PAPOLA: variants seen among roughly 807,000 people sequenced by gnomAD.
PAPOLA encodes poly(A) polymerase alpha.
PAPOLA carries 15 observed loss-of-function variants against 100.6 expected under a neutral mutation model. That is an observed-to-expected ratio of 0.15 (90% CI 0.10 to 0.23). The LOEUF (loss-of-function observed/expected upper bound fraction) is 0.23. PAPOLA is among the 10% of genes least tolerant of loss of function. The pLI, the probability that PAPOLA is intolerant of heterozygous loss-of-function variation, is 1.00. For missense variants in PAPOLA, 533 were observed against 884.2 expected, an observed-to-expected ratio of 0.60 and a Z score of 5.04; for synonymous variants, 293 against 300.0, an observed-to-expected ratio of 0.98 and a Z score of 0.24.
chr14:96,544,161 C>T lies in PAPOLA; in HGVS notation c.1302C>T (p.Arg434=), dbSNP rs1293719994. ...PKENPDKEEF[R]TMWVIGLVFK... ...CTCTTCTTTGCAGGGAAGAATTTCGCACGATGTGGGTGATTGGGTTAGTGT... is the reference window on the plus strand; with the variant it reads ...CTCTTCTTTGCAGGGAAGAATTTCGTACGATGTGGGTGATTGGGTTAGTGT... The change falls in exon 15 of 22, where the codon CGC becomes CGT. Residue 434 remains arginine, a synonymous_variant. Coordinates refer to ENST00000216277, the MANE Select transcript of PAPOLA (RefSeq NM_032632.5). The T allele has an allele frequency of 2.5e-6, 4 of 1,596,654 alleles. No homozygotes were observed. Among genetic ancestry groups the T allele is most frequent in the South Asian group, 2.2e-5 (2 of 90,456 alleles).
chr14:96,534,633 T>C, intron 10 of PAPOLA, 70 bp downstream of exon 10: 1 of 1,610,344 alleles, frequency 6.2e-7, no homozygotes, highest in Non-Finnish European at 8.5e-7. Flanking sequence ...CTGCATAAAC[T>C]CCAGGGAGAC....
Position 96,542,416 on chromosome 14 carries a change from C to T in PAPOLA, c.1169+120C>T, listed in dbSNP as rs569367986. On this transcript the variant is annotated intron_variant, in intron 13 of 21. Transcript: ENST00000216277. Reference sequence around the variant, plus strand: ...CTTCTAGTTTGGTTTGATTTGTTCACAAATGGAGCTTTACTGTGTGTAGTG... The same window carrying T: ...CTTCTAGTTTGGTTTGATTTGTTCATAAATGGAGCTTTACTGTGTGTAGTG... The T allele has an allele frequency of 1.2e-3, 802 of 653,906 alleles. 10 individuals are homozygous for T. The highest frequency in any genetic ancestry group is 5.9e-5 in the Non-Finnish European group (22 of 370,072). The allele number at this position is 653,906 out of a possible 1,614,324, so 40.5% of individuals were successfully genotyped here. A position where few individuals can be genotyped will look rare whatever the true frequency, so the allele number is the denominator to read the frequency against.
intron 17 of PAPOLA, among the ~76,000 whole-genome samples, chr14:96,555,284 C>G (rs533728388): frequency 1.5e-4 from 22 of 146,584 alleles, no homozygotes; most frequent in Non-Finnish European, 2.4e-4. Context: ...CTGTGTTGTC[C>G]GGGCTAGTTT....
At chr14:96,550,637 C>G (rs1566862054) in intron 16 of PAPOLA, among the ~76,000 whole-genome samples, 1 of 152,040 alleles carries the variant, frequency 6.6e-6, no homozygotes, top group Non-Finnish European at 1.5e-5. Context: ...TGTGACCTGC[C>G]TTTTTTTGTG....
chr14:96,531,454 GTTGTT>G lies in PAPOLA; in HGVS notation c.496-14_496-10del. 3 of 1,564,406 alleles carry G rather than the reference GTTGTT, an allele frequency of 1.9e-6. No homozygotes were observed. Among genetic ancestry groups the G allele is most frequent in the Non-Finnish European group, 2.6e-6 (3 of 1,147,700 alleles). On this transcript the variant is annotated splice_polypyrimidine_tract_variant and intron_variant, in intron 6 of 21. Transcript: ENST00000216277. ...AAAAGTAGTTTGACAGATATGGAAT[GTTGTT>G]TTGTTTGTGTTTCAGATTGATATTT...
At chr14:96,508,220 C>T (rs1189668050) in intron 1 of PAPOLA, among the ~76,000 whole-genome samples, 1 of 152,152 alleles carries the variant, frequency 6.6e-6, no homozygotes, top group African/African-American at 2.4e-5. Context: ...CACTGCACCT[C>T]AGCCCACCCC....
chr14:96,502,599 T>C lies in PAPOLA; in HGVS notation c.7T>C (p.Phe3Leu), dbSNP rs1296084753. The change falls in exon 1 of 22, where the codon TTT becomes CTT. Residue 3 changes from phenylalanine (F) to leucine (L), a missense_variant and splice_region_variant. Phe to Leu is a conservative substitution (Grantham distance 22). Around this residue, in one of 9 missense-constraint regions of PAPOLA, gnomAD observed 48 missense variants for 52.3 expected, o/e 0.92. Coordinates refer to ENST00000216277, the MANE Select transcript of PAPOLA (RefSeq NM_032632.5). The part of the protein sequence containing the change: MP[F>L]PVTTQGSQQT... ...GGTGCCGGCGCCGGAGACGATGCCG[T>C]TGTAAGTAATTTGTATTCTGTTTTC... 3 of 1,575,504 alleles carry C rather than the reference T, an allele frequency of 1.9e-6. No homozygotes were observed. Among genetic ancestry groups the C allele is most frequent in the African/African-American group, 1.4e-5 (1 of 72,610 alleles).
rs188550964 is a variant in PAPOLA at position 96,548,987 on chromosome 14, T to C, written c.1521+1069T>C. 2.9e-3 allele frequency among the ~76,000 whole-genome samples: 449 copies of C among 152,314 alleles called. 1 individual carries two copies. Among genetic ancestry groups the C allele is most frequent in the African/African-American group, 0.01 (423 of 41,566 alleles). ...ACCTGTGAAATTTGAGCAAGTTACA[T>C]GGCAAACATCTTATTCTTGATTTGT... is the stretch of plus-strand genomic sequence containing the variant. On this transcript the variant is annotated intron_variant, in intron 16 of 21. Transcript: ENST00000216277.
At chr14:96,546,903 A>ATGT (rs1201949723) in intron 15 of PAPOLA, among the ~76,000 whole-genome samples, 41 of 152,008 alleles carry the variant, frequency 2.7e-4, no homozygotes, top group African/African-American at 9.6e-4. Flanking sequence ...TTTGTTCTTG[A>ATGT]TGTTTGCTTT....
chr14:96,521,766 G>A (rs914468131), intron 3 of PAPOLA, among the ~76,000 whole-genome samples: 6 of 151,512 alleles, frequency 4.0e-5, no homozygotes, highest in Admixed American at 6.6e-5. Flanking sequence ...GGCGTGAGCC[G>A]CTGCCCGGCC....
chr14:96,512,606 T>C (rs933149563), intron 1 of PAPOLA, among the ~76,000 whole-genome samples: 3 of 152,242 alleles, frequency 2.0e-5, no homozygotes, highest in African/African-American at 7.2e-5. Flanking sequence ...TGTTGAAATT[T>C]CAGTAGATGG....
intron 19 of PAPOLA, among the ~76,000 whole-genome samples, chr14:96,557,668 A>G (rs887590324): frequency 6.7e-6 from 1 of 149,394 alleles, no homozygotes; most frequent in African/African-American, 2.5e-5. Flanking sequence ...CATGGATTCT[A>G]TTATGTTTTG....
At chr14:96,530,402 T>G (rs911711806) in intron 6 of PAPOLA, among the ~76,000 whole-genome samples, 1 of 151,796 alleles carries the variant, frequency 6.6e-6, no homozygotes, top group African/African-American at 2.4e-5. Flanking sequence ...TTCTTTTTTT[T>G]TTTTCTGAGG....
intron 12 of PAPOLA, among the ~76,000 whole-genome samples, chr14:96,540,268 A>G (rs1899872503): frequency 6.6e-6 from 1 of 152,220 alleles, no homozygotes; most frequent in South Asian, 2.1e-4. Flanking sequence ...AGAGTGATTT[A>G]GAGACTGCGG....
In PAPOLA at chr14:96,533,870, T is replaced by A; in HGVS notation, c.837-621T>A. Reference sequence around the variant, plus strand: ...GTCCGGCTGTCAGAATTTCTTTTAATGCTACACATATATAAGCAAATAATG... The same window carrying A: ...GTCCGGCTGTCAGAATTTCTTTTAAAGCTACACATATATAAGCAAATAATG... On this transcript the variant is annotated intron_variant, in intron 9 of 21. Coordinates refer to ENST00000216277, the MANE Select transcript of PAPOLA (RefSeq NM_032632.5). 4.1e-6 allele frequency: 4 copies of A among 985,400 alleles called. No individual in the cohort carries two copies. The highest frequency in any genetic ancestry group is 4.8e-6 in the Non-Finnish European group (4 of 829,854). The allele number at this position is 985,400 out of a possible 1,614,324, so 61.0% of individuals were successfully genotyped here. A position where few individuals can be genotyped will look rare whatever the true frequency, so the allele number is the denominator to read the frequency against.
chr14:96,521,084 T>C lies in PAPOLA; in HGVS notation c.249+12T>C. The C allele has an allele frequency of 7.5e-7, 1 of 1,342,242 alleles. No homozygotes were observed. Among genetic ancestry groups the C allele is most frequent in the South Asian group, 1.2e-5 (1 of 84,870 alleles). The allele number at this position is 1,342,242 out of a possible 1,614,324, so 83.1% of individuals were successfully genotyped here. A position where few individuals can be genotyped will look rare whatever the true frequency, so the allele number is the denominator to read the frequency against. ...TCAGTGAAAGCAAGGTAAGGCAACT[T>C]TTTTGTATATGAAATAATTTCATAT... On this transcript the variant is annotated intron_variant, in intron 3 of 21. Coordinates refer to ENST00000216277, the MANE Select transcript of PAPOLA (RefSeq NM_032632.5).
At chr14:96,515,057 G>A (rs561685524) in intron 1 of PAPOLA, among the ~76,000 whole-genome samples, 11 of 152,258 alleles carry the variant, frequency 7.2e-5, no homozygotes, top group Admixed American at 7.2e-4. Context: ...ATGCATGGTG[G>A]AACCATGTGA....
At chr14:96,525,285 A>G (rs1443819561) in intron 3 of PAPOLA, 25 bp from the exon 4 acceptor site, 3 of 1,166,738 alleles carry the variant, frequency 2.6e-6, no homozygotes, top group Non-Finnish European at 3.8e-6. Context: ...TCCACTGGCA[A>G]AATAACCATT....
chr14:96,547,026 G>A (rs879485101), intron 15 of PAPOLA, among the ~76,000 whole-genome samples: 6 of 151,998 alleles, frequency 3.9e-5, no homozygotes, highest in Non-Finnish European at 7.4e-5. Flanking sequence ...TACTCCCTAC[G>A]TGGTTTTTCT....
Sources: gnomAD v4.1 joint callset for allele counts (sites outside exome capture counted in the v4.1 genomes callset) on GRCh38, gnomAD v4.1.1 for gene constraint, gnomAD v4.1.1 regional missense constraint, MANE v1.5 for transcripts, NCBI Gene and HGNC (gene_info 2026-07-23, HGNC 2026-07-21) for gene names.